Variants in SH3D19 observed in about 807,000 individuals in gnomAD.
The protein encoded by SH3D19 is SH3 domain-containing protein 19.
Under a neutral mutation model 112.1 loss-of-function variants are expected in SH3D19, and 58 were observed. The observed-to-expected ratio is 0.52, with a 90% CI of 0.42 to 0.64. SH3D19 has a LOEUF of 0.64. Among genes scored for constraint, SH3D19 ranks in the 30% least tolerant of loss-of-function variants. The pLI is 0.00. For synonymous variants in SH3D19, 391 were observed against 448.5 expected (o/e 0.87, Z 1.62); for missense variants, 1,090 against 1,263.4 (o/e 0.86, Z 2.08).
intron 1 of SH3D19, chr4:151,277,278 G>C (rs1022239265): frequency 2.2e-6 from 3 of 1,376,634 alleles, no homozygotes; most frequent in Admixed American, 2.2e-5. Context: ...TTACTAAAGA[G>C]GGCATCACAT....
intron 1 of SH3D19, among the ~76,000 whole-genome samples, chr4:151,302,858 G>A (rs1449635721): frequency 6.6e-6 from 1 of 151,946 alleles, no homozygotes; most frequent in African/African-American, 2.4e-5. Context: ...TCACACACCG[G>A]GGCCTGTCGT....
intron 4 of SH3D19, 120 bp from the exon 5 acceptor site, chr4:151,177,075 G>T: frequency 1.2e-6 from 1 of 859,680 alleles, no homozygotes; most frequent in Non-Finnish European, 1.5e-6. Context: ...AACTAACACA[G>T]TCACAGAAAT....
At chr4:151,187,750 G>A (rs531204012) in intron 2 of SH3D19, among the ~76,000 whole-genome samples, 1 of 152,216 alleles carries the variant, frequency 6.6e-6, no homozygotes, top group African/African-American at 2.4e-5. Context: ...GATACCACTC[G>A]TAATTAGACA....
chr4:151,212,979 A>G (rs1766213744), intron 2 of SH3D19, among the ~76,000 whole-genome samples: 1 of 152,174 alleles, frequency 6.6e-6, no homozygotes, highest in Admixed American at 6.5e-5. Context: ...GGGGTTCAAG[A>G]CTCCCGTGGA....
intron 19 of SH3D19, among the ~76,000 whole-genome samples, chr4:151,125,161 C>T (rs1030793692): frequency 6.6e-6 from 1 of 152,124 alleles, no homozygotes; most frequent in African/African-American, 2.4e-5. Context: ...GCATAGCTTA[C>T]AGCATAAGAA....
intron 1 of SH3D19, among the ~76,000 whole-genome samples, chr4:151,255,829 G>C (rs992026371): frequency 6.6e-6 from 1 of 152,252 alleles, no homozygotes; most frequent in African/African-American, 2.4e-5. Flanking sequence ...GCTGGAGACC[G>C]GCCTGGCCAA....
chr4:151,139,506 A>G (rs1179744001), intron 13 of SH3D19, among the ~76,000 whole-genome samples: 1 of 152,138 alleles, frequency 6.6e-6, no homozygotes, highest in Admixed American at 6.5e-5. Flanking sequence ...GGCAATTTGC[A>G]ATGTTCATTT....
intron 2 of SH3D19, among the ~76,000 whole-genome samples, chr4:151,198,847 T>G (rs2149880492): frequency 6.6e-6 from 1 of 152,280 alleles, no homozygotes; most frequent in East Asian, 1.9e-4. Flanking sequence ...ACCAAGAATA[T>G]AAACACAACG....
At chr4:151,311,501 G>C (rs975696158) in intron 1 of SH3D19, among the ~76,000 whole-genome samples, 6 of 152,132 alleles carry the variant, frequency 3.9e-5, no homozygotes, top group Admixed American at 6.5e-5. Flanking sequence ...CTAATACTGT[G>C]TGATCTCACT....
intron 3 of SH3D19, among the ~76,000 whole-genome samples, chr4:151,182,843 C>A (rs1020854980): frequency 3.9e-5 from 6 of 152,146 alleles, no homozygotes; most frequent in African/African-American, 1.2e-4. Context: ...ATCGAATTTG[C>A]CAGATTGCCA....
At chr4:151,237,922 A>C (rs1770255774) in intron 1 of SH3D19, among the ~76,000 whole-genome samples, 1 of 152,128 alleles carries the variant, frequency 6.6e-6, no homozygotes, top group African/African-American at 2.4e-5. Flanking sequence ...GGTTCAGCCT[A>C]TTTTTCCTTT....
intron 8 of SH3D19, among the ~76,000 whole-genome samples, chr4:151,163,730 G>A (rs549155029): frequency 1.3e-5 from 2 of 152,004 alleles, no homozygotes; most frequent in South Asian, 2.1e-4. Flanking sequence ...ACAGGTGTGT[G>A]CCACCATGCT....
chr4:151,176,226 T>C (rs1284721679), intron 6 of SH3D19, among the ~76,000 whole-genome samples: 1 of 152,220 alleles, frequency 6.6e-6, no homozygotes, highest in Admixed American at 6.5e-5. Flanking sequence ...TATAAGTTGC[T>C]AAATATAAGA....
At chr4:151,270,821 T>G (rs1773177894) in intron 1 of SH3D19, among the ~76,000 whole-genome samples, 1 of 152,232 alleles carries the variant, frequency 6.6e-6, no homozygotes, top group Non-Finnish European at 1.5e-5. Flanking sequence ...AAACAAAAGC[T>G]TCACAAAAAA....
intron 2 of SH3D19, 84 bp downstream of exon 2, chr4:151,225,962 TA>T: frequency 2.2e-6 from 2 of 905,838 alleles, no homozygotes; most frequent in Non-Finnish European, 2.9e-6. Context: ...ACAGTAACTC[TA>T]AAGAGGACAC....
intron 2 of SH3D19, among the ~76,000 whole-genome samples, chr4:151,210,383 C>T (rs1479345037): frequency 2.0e-5 from 3 of 149,962 alleles, no homozygotes; most frequent in Non-Finnish European, 4.4e-5. Context: ...TGAAAAGAAA[C>T]TTATATATAT....
At chr4:151,306,301 A>G (rs749881445) in intron 1 of SH3D19, among the ~76,000 whole-genome samples, 6 of 152,184 alleles carry the variant, frequency 3.9e-5, no homozygotes, top group Non-Finnish European at 5.9e-5. Flanking sequence ...TTAAAGAAGA[A>G]AAGACTACAG....
intron 2 of SH3D19, among the ~76,000 whole-genome samples, chr4:151,201,449 C>T (rs752299328): frequency 6.6e-6 from 1 of 152,152 alleles, no homozygotes; most frequent in Non-Finnish European, 1.5e-5. Flanking sequence ...CGAGTGTTTT[C>T]TACGTTCCAG....
chr4:151,134,670 T>C (rs1190061268), intron 15 of SH3D19, among the ~76,000 whole-genome samples: 1 of 152,244 alleles, frequency 6.6e-6, no homozygotes, highest in Non-Finnish European at 1.5e-5. Flanking sequence ...CTGTCTTTGC[T>C]GCTTTCTTTA....
Sources: allele counts gnomAD v4.1 joint callset (sites outside exome capture counted in the v4.1 genomes callset), GRCh38; gene constraint gnomAD v4.1.1; transcripts MANE v1.5; gene names NCBI Gene and HGNC (gene_info 2026-07-23, HGNC 2026-07-21).